The following PRKG1 variants were observed in gnomAD, a reference collection of about 807,000 sequenced individuals.
The protein encoded by PRKG1 is cGMP-dependent protein kinase 1.
A neutral mutation model predicts 88.1 loss-of-function variants in PRKG1; 35 were observed. The observed-to-expected ratio is 0.40, with a 90% CI of 0.30 to 0.53. The LOEUF (loss-of-function observed/expected upper bound fraction) is 0.53, where lower values mean the gene tolerates loss of function less well. Ranked by LOEUF, PRKG1 falls within the 20% of genes least tolerant of loss-of-function variation. The pLI is 0.59. For synonymous variants in PRKG1, 303 were observed against 292.5 expected (o/e 1.04, Z -0.37); for missense variants, 540 against 839.8 (o/e 0.64, Z 4.41).
intron 3 of PRKG1, among the ~76,000 whole-genome samples, chr10:51,508,728 T>C (rs934957823): frequency 6.6e-6 from 1 of 152,142 alleles, no homozygotes; most frequent in African/African-American, 2.4e-5. Context: ...CCAATTCTGT[T>C]CTGTTAATTC....
intron 4 of PRKG1, among the ~76,000 whole-genome samples, chr10:51,896,089 T>C (rs1403458883): frequency 2.6e-5 from 4 of 152,164 alleles, no homozygotes; most frequent in Non-Finnish European, 5.9e-5. Flanking sequence ...TGTGATTTAA[T>C]ATCTTCCTGA....
intron 1 of PRKG1, among the ~76,000 whole-genome samples, chr10:51,129,698 A>G (rs749635584): frequency 3.3e-5 from 5 of 152,196 alleles, no homozygotes; most frequent in Non-Finnish European, 7.3e-5. Flanking sequence ...AACCATGCAT[A>G]TATTTTAGTT....
At chr10:52,050,233 G>A (rs1027331870) in intron 5 of PRKG1, among the ~76,000 whole-genome samples, 3 of 151,986 alleles carry the variant, frequency 2.0e-5, no homozygotes, top group East Asian at 1.9e-4. Flanking sequence ...AGGGCTGGAG[G>A]GCAAAATCGG....
At chr10:51,092,564 T>G (rs1342749400) in intron 1 of PRKG1, among the ~76,000 whole-genome samples, 2 of 152,178 alleles carry the variant, frequency 1.3e-5, no homozygotes, top group Non-Finnish European at 2.9e-5. Context: ...AAGCCTTTGC[T>G]CTGATGCCTA....
At chr10:52,047,308 A>G (rs1023145981) in intron 5 of PRKG1, among the ~76,000 whole-genome samples, 1 of 152,070 alleles carries the variant, frequency 6.6e-6, no homozygotes, top group African/African-American at 2.4e-5. Context: ...TCCTTTCGAC[A>G]ATGGTTTTTC....
chr10:52,054,599 G>A (rs778107551), intron 6 of PRKG1, 38 bp downstream of exon 6: 1 of 1,583,142 alleles, frequency 6.3e-7, no homozygotes. Context: ...TGCACTAGGG[G>A]AGCCTGGGGT....
In PRKG1 at chr10:51,476,578, A is replaced by G. The variant is rs1840202619; in HGVS notation, c.592+8742A>G. 2.7e-5 allele frequency among the ~76,000 whole-genome samples: 4 copies of G among 149,920 alleles called. No individual in the cohort carries two copies. The Admixed American group carries it at 2.7e-4, about 10-fold the overall frequency. ...TGAGTGGGATCAAACAGCATTGTTT[A>G]AATTATCTTCCTAAGTGGATTATTT... On this transcript the variant is annotated intron_variant, in intron 3 of 17. Coordinates refer to ENST00000373980, the MANE Select transcript of PRKG1 (RefSeq NM_006258.4).
At chr10:51,709,496 C>T (rs1841690540) in intron 3 of PRKG1, among the ~76,000 whole-genome samples, 1 of 152,152 alleles carries the variant, frequency 6.6e-6, no homozygotes. Flanking sequence ...TCCATCCTGG[C>T]TCTGGGGAAC....
At chr10:51,252,531 CA>C (rs201563653) in intron 2 of PRKG1, among the ~76,000 whole-genome samples, 3 of 150,072 alleles carry the variant, frequency 2.0e-5, no homozygotes, top group Middle Eastern at 3.4e-3. Flanking sequence ...TAATGCAAAA[CA>C]AAAAAAAATC....
At position 51,721,673 on chromosome 10, in the gene PRKG1, CT is replaced by C. The variant is rs566214339; in HGVS notation, c.593-82911del. Reference sequence around the variant, plus strand: ...AATATAATTAATAAGCATATATTTTCTAAATATTTTAATCTGCTGTGTAGCC... The same window carrying C: ...AATATAATTAATAAGCATATATTTTCAAATATTTTAATCTGCTGTGTAGCC... On this transcript the variant is annotated intron_variant, in intron 3 of 17. Transcript: ENST00000373980. Among the ~76,000 whole-genome samples the C allele has an allele frequency of 3.2e-3, 489 of 152,232 alleles. 2 individuals are homozygous for C. Among genetic ancestry groups the C allele is most frequent in the African/African-American group, 0.011 (464 of 41,534 alleles).
chr10:51,869,711 G>A (rs1290312743), intron 4 of PRKG1, among the ~76,000 whole-genome samples: 2 of 151,850 alleles, frequency 1.3e-5, no homozygotes, highest in East Asian at 3.9e-4. Context: ...AAGAGAGAAA[G>A]GAGAAAAATA....
At chr10:51,058,308 G>T (rs965690095) in intron 1 of PRKG1, among the ~76,000 whole-genome samples, 6 of 152,048 alleles carry the variant, frequency 3.9e-5, no homozygotes, top group African/African-American at 1.4e-4. Flanking sequence ...CCATTTGACT[G>T]TAGTAATTAT....
At chr10:51,938,422 G>A (rs1842840163) in intron 5 of PRKG1, among the ~76,000 whole-genome samples, 1 of 151,916 alleles carries the variant, frequency 6.6e-6, no homozygotes, top group South Asian at 2.1e-4. Context: ...TGGATAAGAG[G>A]GGGTCATTGT....
chr10:52,264,912 C>G (rs1841534587), intron 10 of PRKG1, among the ~76,000 whole-genome samples: 1 of 152,072 alleles, frequency 6.6e-6, no homozygotes, highest in Non-Finnish European at 1.5e-5. Flanking sequence ...CAAGGTCATA[C>G]TTTCAGAGAG....
At chr10:51,287,946 TA>T (rs1174484373) in intron 2 of PRKG1, among the ~76,000 whole-genome samples, 1 of 152,190 alleles carries the variant, frequency 6.6e-6, no homozygotes, top group Admixed American at 6.5e-5. Flanking sequence ...CAGGCTTTTA[TA>T]AAAGAAATGC....
intron 2 of PRKG1, among the ~76,000 whole-genome samples, chr10:51,442,946 T>C (rs1244996342): frequency 1.3e-5 from 2 of 152,170 alleles, no homozygotes; most frequent in Admixed American, 1.3e-4. Flanking sequence ...TAGAGTTACC[T>C]GGATACTTAG....
intron 9 of PRKG1, among the ~76,000 whole-genome samples, chr10:52,238,707 T>A (rs1218200549): frequency 1.4e-5 from 2 of 147,950 alleles, no homozygotes; most frequent in Non-Finnish European, 3.0e-5. Flanking sequence ...ATAGGAACAC[T>A]TTTACACTGT....
At chr10:51,990,775 C>T (rs372002584) in intron 5 of PRKG1, among the ~76,000 whole-genome samples, 15 of 152,070 alleles carry the variant, frequency 9.9e-5, no homozygotes, top group South Asian at 8.3e-4. Flanking sequence ...TGTGTCCATG[C>T]GTTCTCATCA....
At chr10:51,832,832 A>G (rs938052543) in intron 4 of PRKG1, among the ~76,000 whole-genome samples, 1 of 152,180 alleles carries the variant, frequency 6.6e-6, no homozygotes, top group Non-Finnish European at 1.5e-5. Context: ...CATGATGATC[A>G]AATATTGTCT....
Sources: allele counts gnomAD v4.1 joint callset (sites outside exome capture counted in the v4.1 genomes callset), GRCh38; gene constraint gnomAD v4.1.1; transcripts MANE v1.5; gene names NCBI Gene and HGNC (gene_info 2026-07-23, HGNC 2026-07-21).